Variants in GOLGA1 observed in about 807,000 individuals in gnomAD.
GOLGA1 encodes golgin subfamily A member 1.
GOLGA1 carries 63 observed loss-of-function variants against 119.7 expected under a neutral mutation model. That is an observed-to-expected ratio of 0.53 (90% CI 0.43 to 0.65). The LOEUF is 0.65. Among genes scored for constraint, GOLGA1 ranks in the 30% least tolerant of loss-of-function variants. The probability of loss-of-function intolerance (pLI) is 0.00; values close to 1 mark genes in which losing one functional copy is unlikely to be tolerated. For synonymous variants in GOLGA1, 318 were observed against 333.4 expected, an observed-to-expected ratio of 0.95 and a Z score of 0.50; for missense variants, 798 against 912.8, an observed-to-expected ratio of 0.87 and a Z score of 1.62.
chr9:124,914,953 T>C (rs646527), intron 10 of GOLGA1, among the ~76,000 whole-genome samples: 51,945 of 152,106 alleles, frequency 0.34, 9,552 homozygotes, highest in Middle Eastern at 0.46. Context: ...GTGCAACATA[T>C]TGATATGCGA....
chr9:124,931,469 G>A, intron 3 of GOLGA1, 63 bp from the exon 4 acceptor site: 1 of 805,426 alleles, frequency 1.2e-6, no homozygotes, highest in Non-Finnish European at 2.2e-6. Context: ...TACTGAGCCA[G>A]AAAGTGACAA....
In GOLGA1 at chr9:124,882,573, C is replaced by T. The variant is rs371908827; in HGVS notation, c.1906-4G>A. On this transcript the variant is annotated splice_polypyrimidine_tract_variant and splice_region_variant and intron_variant, in intron 19 of 22. Coordinates refer to ENST00000373555, the MANE Select transcript of GOLGA1 (RefSeq NM_002077.4). ...GCTGCTGCATCTGCTTTATGGTCTGCGACAAGCCCCACCCCACAGAAAGCC... is the reference window on the plus strand; with the variant it reads ...GCTGCTGCATCTGCTTTATGGTCTGTGACAAGCCCCACCCCACAGAAAGCC... 1.8e-5 allele frequency: 29 copies of T among 1,610,562 alleles called. No individual in the cohort carries two copies. The East Asian group carries it at 2.2e-4, about 12-fold the overall frequency.
chr9:124,914,382 T>G (rs1487596095), intron 10 of GOLGA1, among the ~76,000 whole-genome samples: 1 of 152,032 alleles, frequency 6.6e-6, no homozygotes, highest in African/African-American at 2.4e-5. Context: ...GCGCCTGTAG[T>G]CCCAGCTACT....
At chr9:124,882,412 A>T in intron 20 of GOLGA1, 98 bp downstream of exon 20, 1 of 829,028 alleles carries the variant, frequency 1.2e-6, no homozygotes, top group Non-Finnish European at 2.0e-6. Flanking sequence ...TAGGGGGTGG[A>T]GGGAGCATAG....
intron 18 of GOLGA1, 54 bp downstream of exon 18, chr9:124,889,089 G>T: frequency 6.9e-7 from 1 of 1,456,112 alleles, no homozygotes; most frequent in South Asian, 1.2e-5. Flanking sequence ...GGGCACTCTC[G>T]GCACCTGCCC....
intron 3 of GOLGA1, among the ~76,000 whole-genome samples, chr9:124,935,361 G>A (rs939413941): frequency 6.0e-4 from 91 of 152,274 alleles, no homozygotes; most frequent in African/African-American, 2.1e-3. Context: ...GTTGTGTTAA[G>A]TATTTATGTG....
chr9:124,899,248 C>T (rs1230348742), intron 14 of GOLGA1, 81 bp downstream of exon 14: 9 of 1,341,656 alleles, frequency 6.7e-6, no homozygotes, highest in Non-Finnish European at 9.1e-6. Flanking sequence ...GAGGTGGTGA[C>T]ACACTGTCAA....
At chr9:124,894,030 ATTC>A (rs781744247) in intron 15 of GOLGA1, among the ~76,000 whole-genome samples, 7 of 152,164 alleles carry the variant, frequency 4.6e-5, no homozygotes, top group African/African-American at 9.7e-5. Context: ...TACGGTGACT[ATTC>A]TTCCCAGCGT....
At chr9:124,909,057 C>T (rs1304768463) in intron 11 of GOLGA1, among the ~76,000 whole-genome samples, 1 of 152,170 alleles carries the variant, frequency 6.6e-6, no homozygotes, top group Non-Finnish European at 1.5e-5. Flanking sequence ...CACCTGTAAT[C>T]CCAGAACTTT....
At chr9:124,924,564 C>T (rs188810306) in intron 7 of GOLGA1, among the ~76,000 whole-genome samples, 8 of 147,576 alleles carry the variant, frequency 5.4e-5, no homozygotes, top group Non-Finnish European at 1.0e-4. Flanking sequence ...CCTGAGAAGT[C>T]GAGGCTGCAG....
rs375533734 is a variant in GOLGA1, at chr9:124,881,672, G to A, written c.2136+112C>T. 578 of 779,142 alleles carry A rather than the reference G, an allele frequency of 7.4e-4. 2 individuals are homozygous for A. The African/African-American group carries it at 9.0e-3, about 12-fold the overall frequency. The allele number at this position is 779,142 out of a possible 1,614,324, so 48.3% of individuals were successfully genotyped here. On this transcript the variant is annotated intron_variant, in intron 21 of 22. Coordinates refer to ENST00000373555, the MANE Select transcript of GOLGA1 (RefSeq NM_002077.4). The surrounding 1 kb of genome is among the most constrained non-coding windows in gnomAD (Gnocchi z 4.9). The stretch of plus-strand genomic sequence containing the variant: ...GAAATGACTGGGTGACCACAAGGGC[G>A]TCAAACCAGGATGTACGAGGAAAAG...
At chr9:124,913,836 C>G (rs1192075301) in intron 10 of GOLGA1, among the ~76,000 whole-genome samples, 1 of 152,186 alleles carries the variant, frequency 6.6e-6, no homozygotes, top group Admixed American at 6.5e-5. Context: ...CTGGGAGAAT[C>G]AGATCAGGCC....
chr9:124,898,815 C>T (rs1356222433), intron 14 of GOLGA1, among the ~76,000 whole-genome samples, 171 bp from the exon 15 acceptor site: 1 of 152,092 alleles, frequency 6.6e-6, no homozygotes, highest in African/African-American at 2.4e-5. Flanking sequence ...GTGGAAACTC[C>T]AAGGAAAAAG....
chr9:124,929,264 G>A lies in GOLGA1; in HGVS notation c.253C>T (p.Gln85Ter). The A allele has an allele frequency of 6.2e-7, 1 of 1,609,778 alleles. No individual in the cohort carries two copies. ...SDYAEQVRNL[Q>*]KIKEKLEIAL... The stretch of plus-strand genomic sequence containing the variant: ...ATTTCAAGCTTCTCTTTTATCTTCT[G>A]CAAGTTTCGGACCTGTTCAGCATAG... The change falls in exon 5 of 23, where the codon CAG (glutamine) becomes TAG (stop). Residue 85 changes from glutamine (Q) to a stop codon, truncating the protein, a stop_gained. Transcript: ENST00000373555. LOFTEE classifies it high-confidence loss of function.
At chr9:124,913,938 C>T (rs1334057970) in intron 10 of GOLGA1, among the ~76,000 whole-genome samples, 1 of 152,166 alleles carries the variant, frequency 6.6e-6, no homozygotes. Context: ...ACAGACAAGT[C>T]CTGCAAGGCT....
chr9:124,946,427 T>G lies in GOLGA1; in HGVS notation c.-156+1491A>C, dbSNP rs534946458. 6 of 152,316 alleles carry G rather than the reference T, an allele frequency of 3.9e-5. No homozygotes were observed. The highest frequency in any genetic ancestry group is 1.4e-4 in the African/African-American group (6 of 41,570). 9.4% of individuals were successfully genotyped at this position (152,316 alleles called of 1,614,324 possible). A position where few individuals can be genotyped will look rare whatever the true frequency, so the allele number is the denominator to read the frequency against. On this transcript the variant is annotated intron_variant, in intron 1 of 4. Transcript: ENST00000421514. The surrounding 1 kb of genome is among the most constrained non-coding windows in gnomAD (Gnocchi z 4.0). ...AGACTCCTGAGATAATTTCTCTATT[T>G]TAAGATAATATTGGATCAGATAGAT...
intron 15 of GOLGA1, among the ~76,000 whole-genome samples, chr9:124,891,654 TC>T (rs1347130966): frequency 1.3e-5 from 2 of 152,030 alleles, no homozygotes; most frequent in African/African-American, 4.8e-5. Context: ...TTTTTTTTTT[TC>T]TTTTTTGAGA....
intron 16 of GOLGA1, 83 bp from the exon 17 acceptor site, chr9:124,889,619 AG>A: frequency 1.1e-6 from 1 of 914,892 alleles, no homozygotes; most frequent in Non-Finnish European, 1.8e-6. Flanking sequence ...CCCGCTCTCC[AG>A]GGTACACCAC....
At chr9:124,935,650 A>T (rs1340164060) in intron 3 of GOLGA1, among the ~76,000 whole-genome samples, 1 of 151,774 alleles carries the variant, frequency 6.6e-6, no homozygotes, top group Admixed American at 6.6e-5. Context: ...ACAAAAAACT[A>T]GCCAAGTGTG....
Sources: allele counts gnomAD v4.1 joint callset (sites outside exome capture counted in the v4.1 genomes callset), GRCh38; gene constraint gnomAD v4.1.1; non-coding constraint Gnocchi (gnomAD v3.1); transcripts MANE v1.5; gene names NCBI Gene and HGNC (gene_info 2026-07-23, HGNC 2026-07-21).